The following BTLA variants were observed in gnomAD, a reference collection of about 807,000 sequenced individuals.
The protein encoded by BTLA is B and T lymphocyte associated.
A neutral mutation model predicts 25.0 loss-of-function variants in BTLA; 11 were observed. The observed-to-expected ratio is 0.44, with a 90% CI of 0.28 to 0.73. The LOEUF (loss-of-function observed/expected upper bound fraction) is 0.73. Ranked by LOEUF, BTLA falls within the 30% of genes least tolerant of loss-of-function variation. The pLI, the probability that BTLA is intolerant of heterozygous loss-of-function variation, is 0.15. For synonymous variants in BTLA, 104 were observed against 119.8 expected, an observed-to-expected ratio of 0.87 and a Z score of 0.86; for missense variants, 282 against 332.8, an observed-to-expected ratio of 0.85 and a Z score of 1.19.
chr3:112,498,442 TA>T (rs976269617), intron 1 of BTLA, among the ~76,000 whole-genome samples: 15 of 150,480 alleles, frequency 1.0e-4, no homozygotes, highest in Non-Finnish European at 1.5e-4. Context: ...CTCAAAAAAA[TA>T]AAAAAATAAA....
chr3:112,484,290 G>A (rs568821074), intron 1 of BTLA, among the ~76,000 whole-genome samples: 1 of 152,248 alleles, frequency 6.6e-6, no homozygotes, highest in South Asian at 2.1e-4. Flanking sequence ...TTTAAACTTT[G>A]CTTATCCACC....
intron 1 of BTLA, among the ~76,000 whole-genome samples, chr3:112,498,779 G>T (rs1258052229): frequency 6.6e-6 from 1 of 151,994 alleles, no homozygotes; most frequent in Non-Finnish European, 1.5e-5. Flanking sequence ...ACATCCCAAT[G>T]AAGCAAGTAT....
At chr3:112,488,675 G>A (rs530315710) in intron 1 of BTLA, among the ~76,000 whole-genome samples, 5 of 152,260 alleles carry the variant, frequency 3.3e-5, no homozygotes, top group South Asian at 2.1e-4. Flanking sequence ...GTGCAGTGGC[G>A]CGATCTTAGC....
chr3:112,469,899 GAT>G, intron 3 of BTLA, 95 bp from the exon 4 acceptor site: 1 of 977,144 alleles, frequency 1.0e-6, no homozygotes, highest in East Asian at 2.6e-5. Context: ...GAATGCCAGG[GAT>G]AGTGTTGTTA....
chr3:112,499,186 A>G, intron 1 of BTLA, 85 bp downstream of exon 1: 2 of 962,616 alleles, frequency 2.1e-6, no homozygotes, highest in South Asian at 2.9e-5. Context: ...TAAACGTTAC[A>G]CCGTACTAAG....
chr3:112,467,119 G>A (rs757164527), intron 4 of BTLA, among the ~76,000 whole-genome samples: 50 of 152,022 alleles, frequency 3.3e-4, no homozygotes, highest in Non-Finnish European at 6.3e-4. Context: ...CACCTCGCCC[G>A]GCTAATTTTT....
chr3:112,493,514 G>GT (rs35165184), intron 1 of BTLA, among the ~76,000 whole-genome samples: 20 of 151,136 alleles, frequency 1.3e-4, no homozygotes, highest in African/African-American at 2.4e-4. Flanking sequence ...AGTTCTCTCT[G>GT]TTTTTTTTTG....
At chr3:112,483,382 A>T (rs2705504) in intron 1 of BTLA, among the ~76,000 whole-genome samples, 1 of 151,734 alleles carries the variant, frequency 6.6e-6, no homozygotes, top group Admixed American at 6.6e-5. Flanking sequence ...TCCCAACCTG[A>T]GGTGATCAGC....
chr3:112,466,465 C>T, intron 4 of BTLA, 82 bp from the exon 5 acceptor site: 5 of 1,303,808 alleles, frequency 3.8e-6, no homozygotes, highest in Non-Finnish European at 5.1e-6. Flanking sequence ...GAATGAAAAG[C>T]TTAAATGGAG....
chr3:112,483,378 C>A (rs148280821), intron 1 of BTLA, among the ~76,000 whole-genome samples: 57 of 151,870 alleles, frequency 3.8e-4, no homozygotes, highest in Non-Finnish European at 6.2e-4. Context: ...GAACTCCCAA[C>A]CTGAGGTGAT....
chr3:112,469,627 A>ATCGTACATAGAATATG, intron 4 of BTLA, 131 bp downstream of exon 4: 2 of 33,958 alleles, frequency 5.9e-5, no homozygotes, highest in Non-Finnish European at 1.8e-4. Flanking sequence ...ATATATATAT[A>ATCGTACATAGAATATG]TATATATATA....
intron 1 of BTLA, among the ~76,000 whole-genome samples, chr3:112,495,070 G>A (rs933485759): frequency 8.5e-5 from 13 of 152,102 alleles, no homozygotes; most frequent in African/African-American, 1.7e-4. Flanking sequence ...GCACTGAATG[G>A]CATGCCATGC....
At chr3:112,473,718 G>A (rs887898507) in intron 2 of BTLA, among the ~76,000 whole-genome samples, 1 of 147,940 alleles carries the variant, frequency 6.8e-6, no homozygotes, top group African/African-American at 2.5e-5. Flanking sequence ...GGGTTCAAGT[G>A]ATTCTCCTGC....
Position 112,463,984 on chromosome 3 carries a change from T to C in BTLA, c.*2124A>G, listed in dbSNP as rs1373330240. 2.6e-6 allele frequency: 1 copy of C among 391,536 alleles called. No individual in the cohort carries two copies. The highest frequency in any genetic ancestry group is 4.5e-6 in the Non-Finnish European group (1 of 221,778). 24.3% of individuals were successfully genotyped at this position (391,536 alleles called of 1,614,324 possible). On this transcript the variant is annotated 3_prime_UTR_variant, in exon 5 of 5. Transcript: ENST00000334529. ...TGCCAAATTGATTTCAAATAAGTTT[T>C]AATAACTTTACCTTCTCATTGAGCA...
chr3:112,469,686 A>C, intron 4 of BTLA, 72 bp downstream of exon 4: 2 of 1,254,776 alleles, frequency 1.6e-6, no homozygotes, highest in Non-Finnish European at 1.1e-6. Flanking sequence ...GTGTTATATA[A>C]ATTCATTGAA....
intron 1 of BTLA, among the ~76,000 whole-genome samples, chr3:112,483,146 T>TC (rs2082326607): frequency 1.4e-5 from 2 of 139,622 alleles, no homozygotes; most frequent in African/African-American, 5.3e-5. Context: ...CTTTCTTTTT[T>TC]TTTTTTTTTT....
intron 2 of BTLA, among the ~76,000 whole-genome samples, chr3:112,472,159 A>T (rs963853680): frequency 1.3e-5 from 2 of 152,170 alleles, no homozygotes; most frequent in Non-Finnish European, 2.9e-5. Flanking sequence ...ACCAGTGAGT[A>T]GAAGCCGGGG....
At chr3:112,466,955 CTT>C (rs1432971400) in intron 4 of BTLA, among the ~76,000 whole-genome samples, 1 of 141,800 alleles carries the variant, frequency 7.1e-6, no homozygotes, top group East Asian at 2.1e-4. Context: ...AAAGAAAATT[CTT>C]CTTTTTTTTT....
intron 1 of BTLA, among the ~76,000 whole-genome samples, chr3:112,497,779 T>G (rs1442992962): frequency 6.6e-6 from 1 of 152,156 alleles, no homozygotes; most frequent in Non-Finnish European, 1.5e-5. Flanking sequence ...CAGTTTAAAA[T>G]TATAGATAGA....
Sources: allele counts gnomAD v4.1 joint callset (sites outside exome capture counted in the v4.1 genomes callset), GRCh38; gene constraint gnomAD v4.1.1; transcripts MANE v1.5; gene names NCBI Gene and HGNC (gene_info 2026-07-23, HGNC 2026-07-21).